MAK16: variants seen among roughly 807,000 people sequenced by gnomAD.
MAK16 encodes the protein MAK16 homolog.
Under a neutral mutation model 49.9 loss-of-function variants are expected in MAK16, and 12 were observed. That is an observed-to-expected ratio of 0.24 (90% CI 0.15 to 0.39). The LOEUF (loss-of-function observed/expected upper bound fraction) is 0.39, where lower values mean the gene tolerates loss of function less well. Ranked by LOEUF, MAK16 falls within the 10% of genes least tolerant of loss-of-function variation. The pLI is 1.00. For missense variants in MAK16, 292 were observed against 363.7 expected, an observed-to-expected ratio of 0.80 and a Z score of 1.60; for synonymous variants, 115 against 126.4, an observed-to-expected ratio of 0.91 and a Z score of 0.60.
Position 33,500,792 on chromosome 8 carries a change from G to C in MAK16, c.*2163G>C. On this transcript the variant is annotated 3_prime_UTR_variant, in exon 10 of 10. Coordinates refer to ENST00000360128, the MANE Select transcript of MAK16 (RefSeq NM_032509.4). Reference sequence around the variant, plus strand: ...TTCATGGGCTGAGAAGGGGAAACCAGGATCTCCCCAACCAAGGGCCTATAC... The same window carrying C: ...TTCATGGGCTGAGAAGGGGAAACCACGATCTCCCCAACCAAGGGCCTATAC... 1 of 308,944 alleles carries C rather than the reference G, an allele frequency of 3.2e-6. No individual in the cohort carries two copies. Among genetic ancestry groups the C allele is most frequent in the East Asian group, 7.5e-5 (1 of 13,286 alleles). 19.1% of individuals were successfully genotyped at this position (308,944 alleles called of 1,614,324 possible).
chr8:33,495,640 G>A, intron 7 of MAK16, 24 bp downstream of exon 7: 9 of 1,514,826 alleles, frequency 5.9e-6, no homozygotes, highest in Middle Eastern at 1.8e-4. Context: ...TAGCTTTGGG[G>A]TACTGAAATT....
At position 33,485,503 on chromosome 8, in the gene MAK16, T is replaced by TGCTGTCA. The variant is rs3839858; in HGVS notation, c.15+300_15+306dup. 7.6e-5 allele frequency: 33 copies of TGCTGTCA among 433,952 alleles called. No homozygotes were observed. The East Asian group carries it at 8.6e-4, about 11-fold the overall frequency. 26.9% of individuals were successfully genotyped at this position (433,952 alleles called of 1,614,324 possible). On this transcript the variant is annotated intron_variant, in intron 1 of 9. Coordinates refer to ENST00000360128, the MANE Select transcript of MAK16 (RefSeq NM_032509.4). ...CCTACCAATGCAGGACGTCGCGTCATGCTGTCAGCTGTCAGCTGTCAGCTC... is the reference window on the plus strand; with the variant it reads ...CCTACCAATGCAGGACGTCGCGTCATGCTGTCAGCTGTCAGCTGTCAGCTGTCAGCTC...
Position 33,498,600 on chromosome 8 carries a change from G to C in MAK16, c.874G>C (p.Glu292Gln). 6.2e-7 allele frequency: 1 copy of C among 1,613,732 alleles called. No individual in the cohort carries two copies. The highest frequency in any genetic ancestry group is 8.5e-7 in the Non-Finnish European group (1 of 1,179,990). Residue 292 changes from glutamate (E) to glutamine (Q), a missense_variant, in exon 10 of 10, where the codon GAG (glutamate) becomes CAG (glutamine). By Grantham distance (29) the Glu-to-Gln change is conservative. Transcript: ENST00000360128. The part of the protein sequence containing the change: ...YVEIEYEQET[E>Q]PVAKAKTT ...GGAAATAGAATACGAGCAGGAGACA[G>C]AGCCCGTGGCCAAAGCCAAAACCAC...
intron 6 of MAK16, among the ~76,000 whole-genome samples, chr8:33,492,588 G>A (rs1003517349): frequency 2.6e-5 from 4 of 152,126 alleles, no homozygotes. Context: ...CACAAGATAG[G>A]GGTCTAGTTT....
intron 4 of MAK16, 50 bp downstream of exon 4, chr8:33,488,848 C>G: frequency 5.6e-6 from 9 of 1,605,226 alleles, no homozygotes; most frequent in Non-Finnish European, 7.7e-6. Flanking sequence ...AGCATCAAAG[C>G]CACATGCTTG....
At chr8:33,491,377 A>T (rs1004555848) in intron 6 of MAK16, among the ~76,000 whole-genome samples, 3 of 152,132 alleles carry the variant, frequency 2.0e-5, no homozygotes, top group African/African-American at 7.2e-5. Flanking sequence ...TAGTGGTTGT[A>T]CTAATTTACA....
At chr8:33,497,176 T>C in intron 8 of MAK16, 56 bp from the exon 9 acceptor site, 2 of 1,287,552 alleles carry the variant, frequency 1.6e-6, no homozygotes, top group South Asian at 1.2e-5. Flanking sequence ...TACTTAGATG[T>C]CTAATCTGAA....
rs1808947676 is a variant in MAK16, at chr8:33,498,840, A to G, written c.*211A>G. On this transcript the variant is annotated 3_prime_UTR_variant, in exon 10 of 10. Transcript: ENST00000360128. ...TTGTGAACAAGAGTGTTTTTATAGCATATGTGTTGAAGTAACAGCTTGTGC... is the reference window on the plus strand; with the variant it reads ...TTGTGAACAAGAGTGTTTTTATAGCGTATGTGTTGAAGTAACAGCTTGTGC... 3.3e-6 allele frequency: 2 copies of G among 602,170 alleles called. No individual in the cohort carries two copies. Among genetic ancestry groups the G allele is most frequent in the Non-Finnish European group, 5.8e-6 (2 of 344,086 alleles). The allele number at this position is 602,170 out of a possible 1,614,324, so 37.3% of individuals were successfully genotyped here.
intron 7 of MAK16, among the ~76,000 whole-genome samples, chr8:33,496,385 AATTATTTTAAAAT>A: frequency 6.6e-6 from 1 of 152,180 alleles, no homozygotes; most frequent in Non-Finnish European, 1.5e-5. Context: ...TTACATTTTA[AATTATTTTAAAAT>A]GTAACTCCAT....
At position 33,489,391 on chromosome 8, in the gene MAK16, T is replaced by C. The variant is rs1190563757; in HGVS notation, c.392+252T>C. 2.5e-6 allele frequency: 1 copy of C among 397,752 alleles called. No homozygotes were observed. The highest frequency in any genetic ancestry group is 2.1e-5 in the African/African-American group (1 of 47,840). 24.6% of individuals were successfully genotyped at this position (397,752 alleles called of 1,614,324 possible). Reference sequence around the variant, plus strand: ...TCAGAAAATTTTATTTTCTTTTTTGTTAAGACGGAGTCTCACTCTGTCGCC... The same window carrying C: ...TCAGAAAATTTTATTTTCTTTTTTGCTAAGACGGAGTCTCACTCTGTCGCC... On this transcript the variant is annotated intron_variant, in intron 5 of 9. Coordinates refer to ENST00000360128, the MANE Select transcript of MAK16 (RefSeq NM_032509.4). The surrounding 1 kb of genome is among the most constrained non-coding windows in gnomAD (Gnocchi z 4.2).
rs972257967 is a variant in MAK16 at position 33,489,409 on chromosome 8, C to T, written c.392+270C>T. ...TTTTTTGTTAAGACGGAGTCTCACT[C>T]TGTCGCCCAGGCTGGAATTTGCAGT... On this transcript the variant is annotated intron_variant, in intron 5 of 9. Transcript: ENST00000360128. The surrounding 1 kb of genome is among the most constrained non-coding windows in gnomAD (Gnocchi z 4.2). 3.0e-6 allele frequency: 1 copy of T among 331,050 alleles called. No individual in the cohort carries two copies. Among genetic ancestry groups the T allele is most frequent in the South Asian group, 3.6e-5 (1 of 28,004 alleles). The allele number at this position is 331,050 out of a possible 1,614,324, so 20.5% of individuals were successfully genotyped here. A position where few individuals can be genotyped will look rare whatever the true frequency, so the allele number is the denominator to read the frequency against.
Position 33,498,673 on chromosome 8 carries a change from G to GTTTTTTTT in MAK16, c.*53_*60dup. On this transcript the variant is annotated 3_prime_UTR_variant, in exon 10 of 10. Transcript: ENST00000360128. ...TACCCAGGACTGAACATGCAGAACT[G>GTTTTTTTT]TTTTTTTTTTTTTTTTATCTTAAAC... 8.5e-7 allele frequency: 1 copy of GTTTTTTTT among 1,173,310 alleles called. No individual in the cohort carries two copies. Among genetic ancestry groups the GTTTTTTTT allele is most frequent in the Non-Finnish European group, 1.2e-6 (1 of 848,136 alleles). The allele number at this position is 1,173,310 out of a possible 1,614,324, so 72.7% of individuals were successfully genotyped here. A position where few individuals can be genotyped will look rare whatever the true frequency, so the allele number is the denominator to read the frequency against.
intron 6 of MAK16, among the ~76,000 whole-genome samples, chr8:33,493,304 C>T (rs1205171170): frequency 6.6e-6 from 1 of 152,164 alleles, no homozygotes; most frequent in African/African-American, 2.4e-5. Context: ...CAGGCATGCA[C>T]CACCACACCC....
Position 33,489,121 on chromosome 8 carries a change from AACTT to A in MAK16, c.377_380del (p.Leu126HisfsTer2), listed in dbSNP as rs1563346066. 6.2e-7 allele frequency: 1 copy of A among 1,613,218 alleles called. No homozygotes were observed. The highest frequency in any genetic ancestry group is 8.5e-7 in the Non-Finnish European group (1 of 1,179,458). On this transcript the variant is annotated frameshift_variant, in exon 5 of 10. Coordinates refer to ENST00000360128, the MANE Select transcript of MAK16 (RefSeq NM_032509.4). LOFTEE classifies it high-confidence loss of function. The surrounding 1 kb of genome is among the most constrained non-coding windows in gnomAD (Gnocchi z 4.2). ...ACCCAATACCTAATTCGAATTAGAA[AACTT>A]ACACTAAAGCGACAGTAAGTATTTG...
At chr8:33,497,119 C>A in intron 8 of MAK16, 113 bp from the exon 9 acceptor site, 1 of 751,060 alleles carries the variant, frequency 1.3e-6, no homozygotes. Flanking sequence ...ACTAAATTTT[C>A]ATTGCCTAGT....
chr8:33,491,712 C>G (rs1336972833), intron 6 of MAK16, among the ~76,000 whole-genome samples: 1 of 146,754 alleles, frequency 6.8e-6, no homozygotes, highest in Non-Finnish European at 1.5e-5. Context: ...TGGCTCACTG[C>G]AACCTCTGCT....
rs546689365 is a variant in MAK16 at position 33,498,323 on chromosome 8, C to T, written c.706-109C>T. On this transcript the variant is annotated intron_variant, in intron 9 of 9. Transcript: ENST00000360128. ...GAAAGGGACAATTTCTGAACACAGACATAGACAAATCAATGCCCTAGTCTG... is the reference window on the plus strand; with the variant it reads ...GAAAGGGACAATTTCTGAACACAGATATAGACAAATCAATGCCCTAGTCTG... The T allele has an allele frequency of 1.4e-3, 1,084 of 801,334 alleles. 9 individuals are homozygous for T. Among genetic ancestry groups the T allele is most frequent in the Non-Finnish European group, 3.2e-4 (168 of 520,190 alleles). The allele number at this position is 801,334 out of a possible 1,614,324, so 49.6% of individuals were successfully genotyped here.
intron 7 of MAK16, among the ~76,000 whole-genome samples, chr8:33,495,913 A>G (rs1259200268): frequency 6.6e-6 from 1 of 151,678 alleles, no homozygotes. Flanking sequence ...ACAGGGTTTC[A>G]CCATCTTGGC....
At position 33,496,635 on chromosome 8, in the gene MAK16, T is replaced by C. The variant is rs770583133; in HGVS notation, c.533T>C (p.Ile178Thr). 16 of 1,612,876 alleles carry C rather than the reference T, an allele frequency of 9.9e-6. No homozygotes were observed. Among genetic ancestry groups the C allele is most frequent in the Non-Finnish European group, 1.4e-5 (16 of 1,179,336 alleles). The change falls in exon 8 of 10, where the codon ATC becomes ACC. Residue 178 changes from isoleucine to threonine, a missense_variant. Transcript: ENST00000360128. The stretch of plus-strand genomic sequence containing the variant: ...GTTTATGTTCTTCAGTATGGCGACA[T>C]CTACAACTTCCCCATTCATGCCTTC... ...ERLKQDTYGD[I>T]YNFPIHAFDK...
Sources: gnomAD v4.1 joint callset for allele counts (sites outside exome capture counted in the v4.1 genomes callset) on GRCh38, gnomAD v4.1.1 for gene constraint, Gnocchi (gnomAD v3.1) non-coding constraint, MANE v1.5 for transcripts, NCBI Gene and HGNC (gene_info 2026-07-23, HGNC 2026-07-21) for gene names.